SUMF1: variants seen among roughly 807,000 people sequenced by gnomAD.
SUMF1 encodes the protein sulfatase modifying factor 1.
Under a neutral mutation model 47.6 loss-of-function variants are expected in SUMF1, and 48 were observed. The ratio of observed to expected loss-of-function variants is 1.01; its 90% CI spans 0.80 to 1.28. The LOEUF (loss-of-function observed/expected upper bound fraction) is 1.28, where lower values mean the gene tolerates loss of function less well. Among genes scored for constraint, SUMF1 ranks in the 50% most tolerant of loss-of-function variants. The pLI, the probability that SUMF1 is intolerant of heterozygous loss-of-function variation, is 0.00. For missense variants in SUMF1, 571 were observed against 485.4 expected, an observed-to-expected ratio of 1.18 and a Z score of -1.66; for synonymous variants, 230 against 192.1, an observed-to-expected ratio of 1.20 and a Z score of -1.63.
At chr3:4,378,659 A>T (rs1349137047) in intron 7 of SUMF1, among the ~76,000 whole-genome samples, 1 of 152,200 alleles carries the variant, frequency 6.6e-6, no homozygotes, top group Non-Finnish European at 1.5e-5. Flanking sequence ...TCTATAAGAC[A>T]ATTACCAAGA....
chr3:4,140,560 G>C (rs1051112063), intron 8 of SUMF1, among the ~76,000 whole-genome samples: 1 of 151,910 alleles, frequency 6.6e-6, no homozygotes, highest in Non-Finnish European at 1.5e-5. Context: ...GGAAACATTT[G>C]ACTTTATCCT....
At chr3:4,158,853 T>C (rs548254867) in intron 8 of SUMF1, among the ~76,000 whole-genome samples, 1 of 151,756 alleles carries the variant, frequency 6.6e-6, no homozygotes, top group South Asian at 2.1e-4. Flanking sequence ...CATCCCTTTA[T>C]TTTCAGTCTG....
intron 8 of SUMF1, among the ~76,000 whole-genome samples, chr3:4,159,892 C>A (rs1163818629): frequency 6.6e-6 from 1 of 152,094 alleles, no homozygotes; most frequent in Non-Finnish European, 1.5e-5. Context: ...CTATCCTGGC[C>A]TATACAGTTT....
chr3:4,365,355 C>T (rs1255587954), intron 8 of SUMF1, among the ~76,000 whole-genome samples: 4 of 122,176 alleles, frequency 3.3e-5, no homozygotes, highest in African/African-American at 1.1e-4. Context: ...GAGTCTAAGT[C>T]TCTTTGTAGG....
intron 8 of SUMF1, among the ~76,000 whole-genome samples, chr3:4,124,649 T>C (rs1432200679): frequency 2.0e-5 from 3 of 152,004 alleles, no homozygotes; most frequent in Admixed American, 6.6e-5. Flanking sequence ...AATAGTCTTC[T>C]CCAAAAGGAC....
At chr3:4,453,521 C>T (rs1209243599) in intron 1 of SUMF1, among the ~76,000 whole-genome samples, 1 of 150,378 alleles carries the variant, frequency 6.6e-6, no homozygotes, top group African/African-American at 2.5e-5. Context: ...CATGTGCCAC[C>T]ATGCCCAACT....
chr3:4,320,298 C>G (rs1191018393), intron 8 of SUMF1, among the ~76,000 whole-genome samples: 1 of 152,072 alleles, frequency 6.6e-6, no homozygotes, highest in Admixed American at 6.6e-5. Context: ...GTTTGTAAGA[C>G]TAAAGGCAAA....
At chr3:4,229,267 ATCC>A (rs1228161548) in intron 8 of SUMF1, 3 of 335,306 alleles carry the variant, frequency 8.9e-6, no homozygotes, top group African/African-American at 6.7e-5. Flanking sequence ...CCGGACAATC[ATCC>A]TCCTTCATAT....
intron 8 of SUMF1, among the ~76,000 whole-genome samples, chr3:4,143,918 G>A (rs1164775024): frequency 1.3e-5 from 2 of 151,396 alleles, no homozygotes; most frequent in Non-Finnish European, 2.9e-5. Flanking sequence ...TGATATGTAC[G>A]CATGATAAAG....
At chr3:4,098,931 G>A (rs1692967434) in intron 8 of SUMF1, among the ~76,000 whole-genome samples, 1 of 152,134 alleles carries the variant, frequency 6.6e-6, no homozygotes, top group South Asian at 2.1e-4. Context: ...TCATTAAGCA[G>A]ATTTGTAGCA....
intron 8 of SUMF1, among the ~76,000 whole-genome samples, chr3:4,318,326 G>A (rs1698739766): frequency 6.6e-6 from 1 of 152,146 alleles, no homozygotes; most frequent in Non-Finnish European, 1.5e-5. Flanking sequence ...GTATATTAAT[G>A]GGATAATTCA....
At chr3:4,303,764 G>C (rs1450959547) in intron 8 of SUMF1, 14 of 1,461,690 alleles carry the variant, frequency 9.6e-6, no homozygotes, top group Non-Finnish European at 1.2e-5. Flanking sequence ...CGCAGAACCG[G>C]AGGCCTTGTG....
At chr3:4,355,798 G>C (rs1254126809) in intron 8 of SUMF1, among the ~76,000 whole-genome samples, 1 of 152,130 alleles carries the variant, frequency 6.6e-6, no homozygotes, top group Non-Finnish European at 1.5e-5. Context: ...AACTGGAATC[G>C]CCTTCTTCCC....
At chr3:4,095,578 T>C (rs1692883203) in intron 8 of SUMF1, among the ~76,000 whole-genome samples, 1 of 152,114 alleles carries the variant, frequency 6.6e-6, no homozygotes, top group African/African-American at 2.4e-5. Context: ...CTAAGATTTT[T>C]ATAAAAGGTA....
At chr3:4,284,251 CAA>C (rs995919173) in intron 8 of SUMF1, among the ~76,000 whole-genome samples, 1 of 143,372 alleles carries the variant, frequency 7.0e-6, no homozygotes, top group Admixed American at 7.0e-5. Context: ...CCCATTTCTA[CAA>C]AAAAAAAAAT....
chr3:4,091,920 T>A (rs1432720694), intron 8 of SUMF1, among the ~76,000 whole-genome samples: 3 of 151,374 alleles, frequency 2.0e-5, no homozygotes, highest in African/African-American at 7.3e-5. Flanking sequence ...CAGGGACCAT[T>A]AAGTAATACT....
intron 8 of SUMF1, among the ~76,000 whole-genome samples, chr3:4,071,408 G>A (rs185341127): frequency 6.6e-6 from 1 of 152,150 alleles, no homozygotes; most frequent in Non-Finnish European, 1.5e-5. Context: ...GAAGCCATGA[G>A]AGACTGTAAC....
intron 3 of SUMF1, among the ~76,000 whole-genome samples, chr3:4,448,916 G>A (rs866723006): frequency 2.0e-5 from 3 of 152,200 alleles, no homozygotes; most frequent in Non-Finnish European, 4.4e-5. Context: ...TTTTAGAATA[G>A]AATTTTAAAA....
At position 4,120,242 on chromosome 3, in the gene SUMF1, T is replaced by C. The variant is rs1447395939; in HGVS notation, c.1015-51497A>G. Among the ~76,000 whole-genome samples the C allele has an allele frequency of 1.1e-4, 17 of 151,972 alleles. No homozygotes were observed. In the East Asian group the frequency reaches 3.3e-3, roughly 29 times the overall value. ...GAAACCAAAAGCCATATATTATTCATATTCGTATGCTCAGTGACAAGCCCA... is the reference window on the plus strand; with the variant it reads ...GAAACCAAAAGCCATATATTATTCACATTCGTATGCTCAGTGACAAGCCCA... On this transcript the variant is annotated intron_variant and NMD_transcript_variant, in intron 8 of 12. Transcript: ENST00000448413.
Sources: gnomAD v4.1 joint callset for allele counts (sites outside exome capture counted in the v4.1 genomes callset) on GRCh38, gnomAD v4.1.1 for gene constraint, MANE v1.5 for transcripts, NCBI Gene and HGNC (gene_info 2026-07-23, HGNC 2026-07-21) for gene names.